Variants in TMCC2 observed in about 807,000 individuals in gnomAD.
TMCC2 encodes transmembrane and coiled-coil domains protein 2.
A neutral mutation model predicts 49.4 loss-of-function variants in TMCC2; 16 were observed. The observed-to-expected ratio is 0.32, with a 90% CI of 0.22 to 0.49. TMCC2 has a LOEUF of 0.49. Ranked by LOEUF, TMCC2 falls within the 20% of genes least tolerant of loss-of-function variation. TMCC2 has a pLI of 0.99. For missense variants in TMCC2, 762 were observed against 989.8 expected (o/e 0.77, Z 3.09); for synonymous variants, 397 against 434.1 (o/e 0.91, Z 1.06).
rs767691631 is a variant in TMCC2, at chr1:205,269,693, T to C, written c.1491T>C (p.Pro497=). 1.9e-6 allele frequency: 3 copies of C among 1,614,032 alleles called. No homozygotes were observed. The highest frequency in any genetic ancestry group is 1.1e-5 in the South Asian group (1 of 91,090). ...AGAGSNSGAG[P]GGALGSPKSN... ...CAGGCAGCAACTCTGGGGCTGGGCC[T>C]GGTGGGGCGCTGGGGAGCCCTAAGT... is the stretch of plus-strand genomic sequence containing the variant. Residue 497 remains proline (P), a synonymous_variant, in exon 3 of 5, where the codon CCT becomes CCC. Coordinates refer to ENST00000358024, the MANE Select transcript of TMCC2 (RefSeq NM_014858.4).
chr1:205,257,102 T>C, intron 2 of TMCC2: 1 of 1,192,714 alleles, frequency 8.4e-7, no homozygotes, highest in Non-Finnish European at 1.0e-6. Flanking sequence ...TGATCCTCCC[T>C]GTCTCCTGCC....
rs1444308886 is a variant in TMCC2 at position 205,241,937 on chromosome 1, C to T, written c.640C>T (p.His214Tyr). ...CAGCCTGGCCGCCATCCTGCACCAG[C>T]ACCAGTGCCGTCCCCGCTCTTCCTC... ...DSSLAAILHQ[H>Y]QCRPRSSSTT... is the part of the protein sequence containing the mutation. Residue 214 changes from histidine to tyrosine, a missense_variant, in exon 2 of 5, where the codon CAC (histidine) becomes TAC (tyrosine). By Grantham distance (83) the His-to-Tyr change is moderately conservative. Transcript: ENST00000358024. The surrounding 1 kb of genome is among the most constrained non-coding windows in gnomAD (Gnocchi z 7.3). 6.2e-7 allele frequency: 1 copy of T among 1,611,464 alleles called. No homozygotes were observed. Among genetic ancestry groups the T allele is most frequent in the African/African-American group, 1.3e-5 (1 of 74,994 alleles).
At chr1:205,242,070 G>A in intron 2 of TMCC2, 26 bp downstream of exon 2, 1 of 1,547,554 alleles carries the variant, frequency 6.5e-7, no homozygotes, top group Non-Finnish European at 8.7e-7. Flanking sequence ...TGGGGCAGGG[G>A]GAGACTCAGA....
At chr1:205,242,098 G>A in intron 2 of TMCC2, 54 bp downstream of exon 2, 2 of 1,505,146 alleles carry the variant, frequency 1.3e-6, no homozygotes, top group Non-Finnish European at 1.8e-6. Context: ...GCCATCCGCT[G>A]AGGGGCCTTG....
intron 2 of TMCC2, among the ~76,000 whole-genome samples, chr1:205,259,193 CTT>C (rs11344770): frequency 1.9e-4 from 28 of 148,572 alleles, no homozygotes; most frequent in African/African-American, 2.7e-4. Flanking sequence ...TTTTCTTTGT[CTT>C]TTTTTTTTTT....
chr1:205,268,812 A>ACAGG, intron 2 of TMCC2, 138 bp from the exon 3 acceptor site: 1 of 780,696 alleles, frequency 1.3e-6, no homozygotes, highest in Admixed American at 2.6e-5. Flanking sequence ...TGTCAGGGAT[A>ACAGG]CTGCTCTTGT....
chr1:205,232,207 C>T (rs1046855706), intron 1 of TMCC2, among the ~76,000 whole-genome samples: 7 of 152,142 alleles, frequency 4.6e-5, no homozygotes, highest in African/African-American at 1.7e-4. Flanking sequence ...AGTTAAGCAG[C>T]AATTTTAAAA....
intron 2 of TMCC2, among the ~76,000 whole-genome samples, chr1:205,259,267 GC>G (rs1191812602): frequency 6.7e-6 from 1 of 150,266 alleles, no homozygotes; most frequent in Non-Finnish European, 1.5e-5. Context: ...ACATGAGAAG[GC>G]CCCTTTCTCC....
intron 2 of TMCC2, among the ~76,000 whole-genome samples, chr1:205,249,710 C>G (rs1000440140): frequency 3.9e-5 from 6 of 152,262 alleles, no homozygotes; most frequent in Non-Finnish European, 7.3e-5. Context: ...ACTGCCTCCT[C>G]TGTTCCCCTC....
chr1:205,268,432 G>A (rs1201759279), intron 2 of TMCC2, among the ~76,000 whole-genome samples: 1 of 152,150 alleles, frequency 6.6e-6, no homozygotes, highest in African/African-American at 2.4e-5. Context: ...TGGCCAACAC[G>A]GTGAAACCCC....
chr1:205,240,986 G>C (rs1363199839), intron 1 of TMCC2, among the ~76,000 whole-genome samples: 1 of 152,222 alleles, frequency 6.6e-6, no homozygotes. Context: ...GCAATTAGCA[G>C]TGTCTGCTAC....
intron 2 of TMCC2, among the ~76,000 whole-genome samples, chr1:205,245,606 T>A (rs1396585148): frequency 6.6e-6 from 1 of 152,216 alleles, no homozygotes. Flanking sequence ...TTCTTGTGCA[T>A]GTTTACATTT....
In TMCC2 at chr1:205,262,400, G is replaced by C. The variant is rs75364558; in HGVS notation, c.748-6550G>C. Among the ~76,000 whole-genome samples the C allele has an allele frequency of 3.1e-3, 468 of 152,288 alleles. 2 individuals are homozygous for C. The highest frequency in any genetic ancestry group is 5.0e-3 in the Non-Finnish European group (342 of 68,028). On this transcript the variant is annotated intron_variant, in intron 2 of 4. Transcript: ENST00000358024. Reference sequence around the variant, plus strand: ...GCCCCTCCACACACCAGGCCCAGGAGTGTCTCTTCTCTCATTCCTGGGGAT... The same window carrying C: ...GCCCCTCCACACACCAGGCCCAGGACTGTCTCTTCTCTCATTCCTGGGGAT...
chr1:205,229,754 A>G (rs1234686944), intron 1 of TMCC2: 8 of 985,514 alleles, frequency 8.1e-6, no homozygotes, highest in Non-Finnish European at 9.6e-6. Context: ...AGCTAGAACC[A>G]GAAGCCGAAA....
At position 205,272,813 on chromosome 1, in the gene TMCC2, G is replaced by C. The variant is rs1370035963; in HGVS notation, c.*689G>C. ...CCTGTACTGGATCTGTTATTTTCAG[G>C]GAAACAGGCCCCAGGGCCCCCCTGA... On this transcript the variant is annotated 3_prime_UTR_variant, in exon 5 of 5. Coordinates refer to ENST00000358024, the MANE Select transcript of TMCC2 (RefSeq NM_014858.4). The C allele has an allele frequency of 1.3e-5, 2 of 152,790 alleles. No homozygotes were observed. The highest frequency in any genetic ancestry group is 2.9e-5 in the Non-Finnish European group (2 of 68,178). The allele number at this position is 152,790 out of a possible 1,614,324, so 9.5% of individuals were successfully genotyped here.
At chr1:205,257,280 G>T in intron 2 of TMCC2, 1 of 1,232,240 alleles carries the variant, frequency 8.1e-7, no homozygotes, top group Non-Finnish European at 1.0e-6. Flanking sequence ...TGACCCCGGG[G>T]GCCTGACACA....
rs1661246398 is a variant in TMCC2 at position 205,264,591 on chromosome 1, TCTCCCGCCTCAGC to T, written c.748-4352_748-4340del. ...GCTCCGCCTCCCAGGTTCGCGCCAT[TCTCCCGCCTCAGC>T]CTCCCGAGTAGCTGGGACTACGGGT... On this transcript the variant is annotated intron_variant, in intron 2 of 4. Transcript: ENST00000358024. This position sits in a 1 kb window ranked among gnomAD's most constrained non-coding sequence, Gnocchi z 4.2. Among the ~76,000 whole-genome samples, 1 of 152,056 alleles carries T rather than the reference TCTCCCGCCTCAGC, an allele frequency of 6.6e-6. No individual in the cohort carries two copies. Among genetic ancestry groups the T allele is most frequent in the Non-Finnish European group, 1.5e-5 (1 of 68,008 alleles).
At chr1:205,255,850 T>C (rs979251576) in intron 2 of TMCC2, among the ~76,000 whole-genome samples, 1 of 152,132 alleles carries the variant, frequency 6.6e-6, no homozygotes, top group Non-Finnish European at 1.5e-5. Flanking sequence ...AAAGTCAAGA[T>C]CCAGTACCAT....
chr1:205,271,026 G>A, intron 3 of TMCC2, 94 bp from the exon 4 acceptor site: 2 of 1,531,704 alleles, frequency 1.3e-6, no homozygotes, highest in Admixed American at 1.9e-5. Flanking sequence ...GATGGGCTGA[G>A]TCATTGTTTA....
Sources: gnomAD v4.1 joint callset for allele counts (sites outside exome capture counted in the v4.1 genomes callset) on GRCh38, gnomAD v4.1.1 for gene constraint, Gnocchi (gnomAD v3.1) non-coding constraint, MANE v1.5 for transcripts, NCBI Gene and HGNC (gene_info 2026-07-23, HGNC 2026-07-21) for gene names.